Variants in ST6GAL2 observed in about 807,000 individuals in gnomAD.
ST6GAL2 encodes the protein beta-galactoside alpha-2,6-sialyltransferase 2.
ST6GAL2 carries 24 observed loss-of-function variants against 37.5 expected under a neutral mutation model. The observed-to-expected ratio is 0.64, with a 90% CI of 0.46 to 0.90. ST6GAL2 has a LOEUF of 0.90. Ranked by LOEUF, ST6GAL2 falls within the 40% of genes least tolerant of loss-of-function variation. The pLI, the probability that ST6GAL2 is intolerant of heterozygous loss-of-function variation, is 0.00. For missense variants in ST6GAL2, 715 were observed against 712.7 expected, an observed-to-expected ratio of 1.00 and a Z score of -0.04; for synonymous variants, 306 against 295.1, an observed-to-expected ratio of 1.04 and a Z score of -0.38.
intron 1 of ST6GAL2, among the ~76,000 whole-genome samples, chr2:106,851,817 A>C (rs1020981726): frequency 2.0e-5 from 3 of 151,976 alleles, no homozygotes; most frequent in Non-Finnish European, 4.4e-5. Flanking sequence ...TATTTATTTT[A>C]ATGTTGAAAT....
intron 1 of ST6GAL2, among the ~76,000 whole-genome samples, chr2:106,868,277 A>G (rs1678118342): frequency 6.6e-6 from 1 of 152,210 alleles, no homozygotes; most frequent in East Asian, 1.9e-4. Context: ...GAAGGAAAAG[A>G]AAGAAGGAAA....
rs1241636520 is a variant in ST6GAL2 at position 106,884,942 on chromosome 2, C to T, written c.-58+1151G>A. Reference sequence around the variant, plus strand: ...ATATATATATATATATATACATACACACACACACATATATACATATGTGTA... The same window carrying T: ...ATATATATATATATATATACATACATACACACACATATATACATATGTGTA... On this transcript the variant is annotated intron_variant, in intron 1 of 5. Coordinates refer to ENST00000409382, the MANE Select transcript of ST6GAL2 (RefSeq NM_001142351.2). Among the ~76,000 whole-genome samples the T allele has an allele frequency of 1.1e-3, 98 of 89,314 alleles. 4 individuals are homozygous for T. The highest frequency in any genetic ancestry group is 1.7e-3 in the Non-Finnish European group (68 of 40,618). 58.6% of individuals were successfully genotyped at this position (89,314 alleles called of 152,430 possible).
chr2:106,831,270 T>C (rs1318551340), intron 4 of ST6GAL2, among the ~76,000 whole-genome samples: 1 of 152,142 alleles, frequency 6.6e-6, no homozygotes, highest in Non-Finnish European at 1.5e-5. Flanking sequence ...CCCTCCCTCC[T>C]CTTGGGGCCT....
intron 1 of ST6GAL2, among the ~76,000 whole-genome samples, chr2:106,854,859 T>G (rs2104560789): frequency 6.6e-6 from 1 of 152,100 alleles, no homozygotes; most frequent in South Asian, 2.1e-4. Context: ...GTTTTCATGT[T>G]TCATGTTTCT....
At chr2:106,858,022 G>A (rs1168897118) in intron 1 of ST6GAL2, among the ~76,000 whole-genome samples, 1 of 152,174 alleles carries the variant, frequency 6.6e-6, no homozygotes, top group Non-Finnish European at 1.5e-5. Flanking sequence ...CTAGCTTGCT[G>A]TCACATCTTC....
At chr2:106,864,164 G>A (rs980180797) in intron 1 of ST6GAL2, among the ~76,000 whole-genome samples, 5 of 152,230 alleles carry the variant, frequency 3.3e-5, no homozygotes, top group Non-Finnish European at 7.3e-5. Context: ...ACCCACAGAT[G>A]TCTGCCTGAT....
At chr2:106,854,343 C>T (rs7591111) in intron 1 of ST6GAL2, among the ~76,000 whole-genome samples, 8,060 of 152,254 alleles carry the variant, frequency 0.053, 674 homozygotes, top group African/African-American at 0.18. Context: ...AAGATCATCA[C>T]TGCTTTATGA....
At chr2:106,858,829 C>G (rs1480527417) in intron 1 of ST6GAL2, among the ~76,000 whole-genome samples, 1 of 152,106 alleles carries the variant, frequency 6.6e-6, no homozygotes, top group African/African-American at 2.4e-5. Flanking sequence ...GCAGGAATTC[C>G]CCACCCCACT....
At chr2:106,884,354 T>C (rs1678872878) in intron 1 of ST6GAL2, among the ~76,000 whole-genome samples, 1 of 152,196 alleles carries the variant, frequency 6.6e-6, no homozygotes, top group Admixed American at 6.5e-5. Flanking sequence ...TGTTAAATTG[T>C]CTCAACTTTG....
chr2:106,874,810 G>A (rs1221017956), intron 1 of ST6GAL2, among the ~76,000 whole-genome samples: 9 of 152,186 alleles, frequency 5.9e-5, no homozygotes, highest in African/African-American at 2.2e-4. Flanking sequence ...ATATTTTCAA[G>A]CCACTTAAAT....
intron 1 of ST6GAL2, among the ~76,000 whole-genome samples, chr2:106,882,720 C>T (rs1324918932): frequency 6.6e-6 from 1 of 152,326 alleles, no homozygotes; most frequent in Admixed American, 6.5e-5. Context: ...TGGCCAATAG[C>T]TTTCCTTTGC....
chr2:106,856,954 G>C (rs1483292156), intron 1 of ST6GAL2, among the ~76,000 whole-genome samples: 1 of 152,170 alleles, frequency 6.6e-6, no homozygotes, highest in Non-Finnish European at 1.5e-5. Context: ...CATAAAATAA[G>C]TGTAAATGAA....
intron 2 of ST6GAL2, among the ~76,000 whole-genome samples, chr2:106,839,506 A>G (rs1676788968): frequency 6.6e-6 from 1 of 152,168 alleles, no homozygotes; most frequent in South Asian, 2.1e-4. Flanking sequence ...CTAGCCTAGG[A>G]TCTGGTGGAG....
At chr2:106,886,463 TG>T (rs1466875047), upstream of ST6GAL2, 5 of 152,050 alleles carry the variant, frequency 3.3e-5, no homozygotes, top group Admixed American at 3.3e-4. Flanking sequence ...CGGCGGCAGC[TG>T]CAAGCGCGGG....
intron 2 of ST6GAL2, among the ~76,000 whole-genome samples, chr2:106,837,320 A>C (rs1676688669): frequency 6.6e-6 from 1 of 152,162 alleles, no homozygotes; most frequent in Non-Finnish European, 1.5e-5. Context: ...CGTGTATTCA[A>C]AGGTTGAGCT....
intron 2 of ST6GAL2, among the ~76,000 whole-genome samples, chr2:106,840,268 G>A (rs562829723): frequency 2.0e-5 from 3 of 152,154 alleles, no homozygotes; most frequent in Non-Finnish European, 4.4e-5. Flanking sequence ...CAAGAATTTC[G>A]CTACACCATG....
In ST6GAL2 at chr2:106,834,158, T is replaced by A. The variant is rs201245807; in HGVS notation, c.944-12A>T. ...CGCATCATGAGAATCTAAGGGCACATAAGTGACAAGCTTACTTTTGTTCTC... is the reference window on the plus strand; with the variant it reads ...CGCATCATGAGAATCTAAGGGCACAAAAGTGACAAGCTTACTTTTGTTCTC... On this transcript the variant is annotated splice_polypyrimidine_tract_variant and intron_variant, in intron 2 of 5. Coordinates refer to ENST00000409382, the MANE Select transcript of ST6GAL2 (RefSeq NM_001142351.2). The A allele has an allele frequency of 2.3e-4, 373 of 1,590,820 alleles. 3 individuals are homozygous for A. The South Asian group carries it at 3.7e-3, about 16-fold the overall frequency.
At chr2:106,833,541 G>T (rs919508331) in intron 3 of ST6GAL2, among the ~76,000 whole-genome samples, 5 of 152,096 alleles carry the variant, frequency 3.3e-5, no homozygotes. Context: ...GGATAACTTT[G>T]CTATAAATTT....
At chr2:106,838,904 C>T (rs1007499707) in intron 2 of ST6GAL2, among the ~76,000 whole-genome samples, 13 of 151,912 alleles carry the variant, frequency 8.6e-5, no homozygotes, top group African/African-American at 2.2e-4. Flanking sequence ...GGTATGGTGG[C>T]GCGTGCCTGT....
Sources: gnomAD v4.1 joint callset for allele counts (sites outside exome capture counted in the v4.1 genomes callset) on GRCh38, gnomAD v4.1.1 for gene constraint, MANE v1.5 for transcripts, NCBI Gene and HGNC (gene_info 2026-07-23, HGNC 2026-07-21) for gene names.